Variants in RFX3 observed in about 807,000 individuals in gnomAD.
RFX3 encodes regulatory factor X3.
Under a neutral mutation model 98.6 loss-of-function variants are expected in RFX3, and 14 were observed. The ratio of observed to expected loss-of-function variants is 0.14; its 90% confidence interval spans 0.09 to 0.22. RFX3 has a LOEUF of 0.22. Among genes scored for constraint, RFX3 ranks in the 10% least tolerant of loss-of-function variants. The probability of loss-of-function intolerance (pLI) is 1.00; values close to 1 mark genes in which losing one functional copy is unlikely to be tolerated. For synonymous variants in RFX3, 383 were observed against 328.4 expected, an observed-to-expected ratio of 1.17 and a Z score of -1.80; for missense variants, 639 against 926.9, an observed-to-expected ratio of 0.69 and a Z score of 4.03.
chr9:3,420,708 A>C, intron 1 of RFX3: 2 of 854,540 alleles, frequency 2.3e-6, no homozygotes, highest in Non-Finnish European at 2.8e-6. Flanking sequence ...CAGCAAAGTC[A>C]GGAATTATTT....
At chr9:3,443,210 T>C (rs1845749371) in intron 1 of RFX3, among the ~76,000 whole-genome samples, 1 of 152,226 alleles carries the variant, frequency 6.6e-6, no homozygotes, top group African/African-American at 2.4e-5. Flanking sequence ...TCTTCAACTT[T>C]TAAGTTCAGC....
intron 11 of RFX3, among the ~76,000 whole-genome samples, chr9:3,267,326 C>T (rs1823777968): frequency 6.6e-6 from 1 of 151,842 alleles, no homozygotes; most frequent in East Asian, 1.9e-4. Context: ...CTATAAGAAA[C>T]ACAGTTATAT....
intron 15 of RFX3, 130 bp from the exon 16 acceptor site, chr9:3,229,019 A>G: frequency 3.2e-6 from 2 of 622,562 alleles, no homozygotes; most frequent in Non-Finnish European, 5.4e-6. Context: ...TTGATCTCTA[A>G]TTACATGGAT....
intron 7 of RFX3, among the ~76,000 whole-genome samples, chr9:3,285,366 A>G (rs889968957): frequency 6.6e-5 from 10 of 151,848 alleles, no homozygotes. Context: ...TTTGAAATTG[A>G]AAATTTTTTT....
At chr9:3,374,947 C>T (rs532238621) in intron 2 of RFX3, among the ~76,000 whole-genome samples, 3 of 151,308 alleles carry the variant, frequency 2.0e-5, no homozygotes, top group Non-Finnish European at 2.9e-5. Flanking sequence ...ACAACAGTTA[C>T]GTAATTTATC....
chr9:3,344,709 T>C (rs1413984881), intron 3 of RFX3: 1 of 595,886 alleles, frequency 1.7e-6, no homozygotes, highest in African/African-American at 1.9e-5. Flanking sequence ...CAGACAAAGA[T>C]GAAATGACAA....
chr9:3,264,943 T>A (rs781303844), intron 12 of RFX3, among the ~76,000 whole-genome samples: 5 of 152,210 alleles, frequency 3.3e-5, no homozygotes, highest in Non-Finnish European at 7.3e-5. Context: ...GTTTGAGGTA[T>A]TGTTACAAAT....
At chr9:3,491,256 G>T (rs958732026) in intron 1 of RFX3, among the ~76,000 whole-genome samples, 5 of 152,002 alleles carry the variant, frequency 3.3e-5, no homozygotes, top group African/African-American at 1.2e-4. Context: ...ACAATCACAG[G>T]TGTTTGCTGT....
chr9:3,434,055 C>T (rs1238684666), intron 1 of RFX3, among the ~76,000 whole-genome samples: 1 of 152,140 alleles, frequency 6.6e-6, no homozygotes, highest in South Asian at 2.1e-4. Flanking sequence ...AATGGAGATT[C>T]TGATTCTGTA....
intron 7 of RFX3, among the ~76,000 whole-genome samples, chr9:3,284,605 T>C (rs997819612): frequency 6.6e-6 from 1 of 151,610 alleles, no homozygotes; most frequent in African/African-American, 2.4e-5. Context: ...TTTTAGTCAT[T>C]AGAGTGATAT....
At chr9:3,310,376 G>T (rs113171554) in intron 4 of RFX3, among the ~76,000 whole-genome samples, 179 of 152,168 alleles carry the variant, frequency 1.2e-3, no homozygotes, top group African/African-American at 4.0e-3. Context: ...GGAAGAAAAA[G>T]AACAATTATA....
intron 2 of RFX3, among the ~76,000 whole-genome samples, chr9:3,347,017 G>T (rs988053284): frequency 6.6e-6 from 1 of 152,084 alleles, no homozygotes; most frequent in African/African-American, 2.4e-5. Context: ...AACTGTTCAG[G>T]TTTAAAATTA....
At chr9:3,445,973 T>A (rs1340305266) in intron 1 of RFX3, among the ~76,000 whole-genome samples, 1 of 152,156 alleles carries the variant, frequency 6.6e-6, no homozygotes, top group Non-Finnish European at 1.5e-5. Flanking sequence ...ATGTACCTCC[T>A]TTTACATGTA....
intron 15 of RFX3, among the ~76,000 whole-genome samples, chr9:3,234,192 G>A (rs980720597): frequency 6.6e-6 from 1 of 151,920 alleles, no homozygotes; most frequent in Non-Finnish European, 1.5e-5. Context: ...AGAGGGGCTG[G>A]CACACTTTTT....
At chr9:3,321,295 C>T (rs1405389202) in intron 4 of RFX3, among the ~76,000 whole-genome samples, 1 of 152,072 alleles carries the variant, frequency 6.6e-6, no homozygotes, top group Non-Finnish European at 1.5e-5. Context: ...ATGGTAAATT[C>T]CCGGAAGCAC....
At chr9:3,466,974 T>C (rs986324594) in intron 1 of RFX3, among the ~76,000 whole-genome samples, 4 of 148,976 alleles carry the variant, frequency 2.7e-5, no homozygotes, top group Admixed American at 1.3e-4. Flanking sequence ...TAAGAGTTTA[T>C]GCCTACTTCC....
chr9:3,455,420 T>C (rs1238887394), intron 1 of RFX3, among the ~76,000 whole-genome samples: 1 of 152,334 alleles, frequency 6.6e-6, no homozygotes, highest in Non-Finnish European at 1.5e-5. Flanking sequence ...CTATATACTC[T>C]TTCTCATGAC....
chr9:3,342,570 G>T (rs1313332398), intron 3 of RFX3, among the ~76,000 whole-genome samples: 1 of 152,004 alleles, frequency 6.6e-6, no homozygotes, highest in East Asian at 1.9e-4. Flanking sequence ...CCATAATACA[G>T]CATGATGTCT....
At chr9:3,461,335 T>C (rs1256058811) in intron 1 of RFX3, among the ~76,000 whole-genome samples, 4 of 151,992 alleles carry the variant, frequency 2.6e-5, no homozygotes, top group Non-Finnish European at 2.9e-5. Flanking sequence ...CCGTGTTAGA[T>C]GGTAGACAGC....
Sources: gnomAD v4.1 joint callset for allele counts (sites outside exome capture counted in the v4.1 genomes callset) on GRCh38, gnomAD v4.1.1 for gene constraint, MANE v1.5 for transcripts, NCBI Gene and HGNC (gene_info 2026-07-23, HGNC 2026-07-21) for gene names.